The following FOXB1 variants were observed in gnomAD, a reference collection of about 807,000 sequenced individuals.
FOXB1 encodes the protein forkhead box B1.
In FOXB1, 6 loss-of-function variants were observed where a neutral mutation model predicts 18.6. The observed-to-expected ratio is 0.32, with a 90% CI of 0.18 to 0.64. The LOEUF (loss-of-function observed/expected upper bound fraction) is 0.64, where lower values mean the gene tolerates loss of function less well. Ranked by LOEUF, FOXB1 falls within the 30% of genes least tolerant of loss-of-function variation. The pLI, the probability that FOXB1 is intolerant of heterozygous loss-of-function variation, is 0.78. For missense variants in FOXB1, 419 were observed against 463.6 expected (o/e 0.90, Z 0.88); for synonymous variants, 213 against 216.0 (o/e 0.99, Z 0.12).
At position 60,005,227 on chromosome 15, in the gene FOXB1, G is replaced by T; in HGVS notation, c.264G>T (p.Ala88=). ...AGCCAGGCAAGGGCAGCTTCTGGGC[G>T]CTGCACCCAAGCTGCGGGGACATGT... ...PDQPGKGSFW[A]LHPSCGDMFE... is the part of the protein sequence containing the mutation. The change falls in exon 2 of 2, where the codon GCG becomes GCT. Residue 88 remains alanine, a synonymous_variant. Transcript: ENST00000396057. The surrounding 1 kb of genome is among the most constrained non-coding windows in gnomAD (Gnocchi z 9.8). 1.9e-6 allele frequency: 3 copies of T among 1,614,182 alleles called. No homozygotes were observed. The highest frequency in any genetic ancestry group is 1.1e-5 in the South Asian group (1 of 91,076).
Position 60,006,020 on chromosome 15 carries a change from C to G in FOXB1, c.*79C>G. On this transcript the variant is annotated 3_prime_UTR_variant, in exon 2 of 2. Transcript: ENST00000396057. Reference sequence around the variant, plus strand: ...TCCCTGGCTCCCAGTCCTGCCGGCCCCCACCTGGGACCGCCACCCTAACTT... The same window carrying G: ...TCCCTGGCTCCCAGTCCTGCCGGCCGCCACCTGGGACCGCCACCCTAACTT... 1 of 1,440,844 alleles carries G rather than the reference C, an allele frequency of 6.9e-7. No homozygotes were observed. The highest frequency in any genetic ancestry group is 2.5e-5 in the East Asian group (1 of 39,600). 89.3% of individuals were successfully genotyped at this position (1,440,844 alleles called of 1,614,324 possible).
At position 60,006,646 on chromosome 15, in the gene FOXB1, G is replaced by C. The variant is rs1342174952; in HGVS notation, c.*705G>C. On this transcript the variant is annotated 3_prime_UTR_variant, in exon 2 of 2. Coordinates refer to ENST00000396057, the MANE Select transcript of FOXB1 (RefSeq NM_012182.3). The stretch of plus-strand genomic sequence containing the variant: ...GAGGCTGCCAAGCTGAGAAAGCGAC[G>C]CTCGTCCTCACACAGCAAAACAAAA... 1 of 152,182 alleles carries C rather than the reference G, an allele frequency of 6.6e-6. No homozygotes were observed. The highest frequency in any genetic ancestry group is 1.5e-5 in the Non-Finnish European group (1 of 68,050). The allele number at this position is 152,182 out of a possible 1,614,324, so 9.4% of individuals were successfully genotyped here.
Position 60,005,296 on chromosome 15 carries a change from G to T in FOXB1, c.333G>T (p.Val111=). Residue 111 remains valine (V), a synonymous_variant, in exon 2 of 2, where the codon GTG becomes GTT. Transcript: ENST00000396057. This position sits in a 1 kb window ranked among gnomAD's most constrained non-coding sequence, Gnocchi z 9.8. ...TGCGGCGCCGCAAGCGCTTCAAGGT[G>T]CTTAAGTCCGACCACCTGGCGCCCA... ...SFLRRRKRFK[V]LKSDHLAPSK... 1 of 1,613,024 alleles carries T rather than the reference G, an allele frequency of 6.2e-7. No homozygotes were observed.
chr15:60,005,140 C>T lies in FOXB1; in HGVS notation c.177C>T (p.Asn59=). Residue 59 remains asparagine (N), a synonymous_variant, in exon 2 of 2, where the codon AAC becomes AAT. Coordinates refer to ENST00000396057, the MANE Select transcript of FOXB1 (RefSeq NM_012182.3). This position sits in a 1 kb window ranked among gnomAD's most constrained non-coding sequence, Gnocchi z 9.8. ...YYRENTQRWQ[N]SLRHNLSFND... is the part of the protein sequence containing the mutation. The stretch of plus-strand genomic sequence containing the variant: ...GGGAGAACACGCAGCGCTGGCAGAA[C>T]AGTCTGCGCCACAACCTCTCCTTCA... The T allele has an allele frequency of 6.2e-7, 1 of 1,614,226 alleles. No homozygotes were observed. The highest frequency in any genetic ancestry group is 1.3e-5 in the African/African-American group (1 of 75,054).
chr15:60,005,668 TG>T lies in FOXB1; in HGVS notation c.707del (p.Gly236AlafsTer10). On this transcript the variant is annotated frameshift_variant, in exon 2 of 2. Coordinates refer to ENST00000396057, the MANE Select transcript of FOXB1 (RefSeq NM_012182.3). LOFTEE classifies it high-confidence loss of function. This position sits in a 1 kb window ranked among gnomAD's most constrained non-coding sequence, Gnocchi z 9.8. ...CGGCCACCCCCATCTCCATGGCGAG[TG>T]GCGACTACAGCGCCTACGGCGTGCC... is the stretch of plus-strand genomic sequence containing the variant. Reference protein sequence around the residue: ...DSATPISMASGDYSAYGVPLK... With the variant: ...DSATPISMASXDYSAYGVPLK... The T allele has an allele frequency of 1.9e-6, 3 of 1,607,830 alleles. No homozygotes were observed. The highest frequency in any genetic ancestry group is 2.5e-6 in the Non-Finnish European group (3 of 1,179,086).
At chr15:60,004,827 T>G in intron 1 of FOXB1, 80 bp from the exon 2 acceptor site, 5 of 164,672 alleles carry the variant, frequency 3.0e-5, no homozygotes, top group South Asian at 8.6e-5. Context: ...ACCCCCGAAG[T>G]CTGTTACTCG....
At chr15:60,004,885 C>T (rs1242069930) in intron 1 of FOXB1, 22 bp from the exon 2 acceptor site, 2 of 1,469,968 alleles carry the variant, frequency 1.4e-6, no homozygotes, top group East Asian at 2.4e-5. Flanking sequence ...CTACCTTTCC[C>T]TATTACCCAC....
At chr15:60,004,882 TC>T in intron 1 of FOXB1, 24 bp from the exon 2 acceptor site, 1 of 1,367,114 alleles carries the variant, frequency 7.3e-7, no homozygotes, top group Non-Finnish European at 9.7e-7. Context: ...ATGCTACCTT[TC>T]CCTATTACCC....
At chr15:60,004,770 A>C in intron 1 of FOXB1, 127 bp downstream of exon 1, 44 of 568,034 alleles carry the variant, frequency 7.7e-5, no homozygotes, top group Non-Finnish European at 7.9e-5. Flanking sequence ...GTTGCTGGCG[A>C]AAGAGTCCGG....
At chr15:60,004,774 A>T in intron 1 of FOXB1, 131 bp downstream of exon 1, 8 of 515,860 alleles carry the variant, frequency 1.6e-5, no homozygotes, top group Non-Finnish European at 2.7e-5. Flanking sequence ...CTGGCGAAAG[A>T]GTCCGGGCGC....
chr15:60,005,800 C>T lies in FOXB1; in HGVS notation c.837C>T (p.Pro279=), dbSNP rs370613791. The change falls in exon 2 of 2, where the codon CCC becomes CCT. Residue 279 remains proline, a synonymous_variant. Coordinates refer to ENST00000396057, the MANE Select transcript of FOXB1 (RefSeq NM_012182.3). The surrounding 1 kb of genome is among the most constrained non-coding windows in gnomAD (Gnocchi z 9.8). ...AVPALPALPA[P]IPTLLSNSPP... ...CCGCGCTGCCTGCGCTGCCAGCGCC[C>T]ATCCCCACCTTGCTCTCGAACTCGC... 17 of 1,605,728 alleles carry T rather than the reference C, an allele frequency of 1.1e-5. No individual in the cohort carries two copies. In the African/African-American group the frequency reaches 1.3e-4, roughly 13 times the overall value.
In FOXB1 at chr15:60,005,500, A is replaced by T; in HGVS notation, c.537A>T (p.Glu179Asp). 6.2e-7 allele frequency: 1 copy of T among 1,611,788 alleles called. No individual in the cohort carries two copies. Among genetic ancestry groups the T allele is most frequent in the Non-Finnish European group, 8.5e-7 (1 of 1,179,558 alleles). Residue 179 changes from glutamate (E) to aspartate (D), a missense_variant, in exon 2 of 2, where the codon GAA becomes GAT. By Grantham distance (45) the Glu-to-Asp change is conservative (BLOSUM62 2). Coordinates refer to ENST00000396057, the MANE Select transcript of FOXB1 (RefSeq NM_012182.3). The surrounding 1 kb of genome is among the most constrained non-coding windows in gnomAD (Gnocchi z 9.8). ...PFAIENIIAR[E>D]YKMPGGLAFS... ...CCATCGAGAACATCATCGCGCGGGA[A>T]TACAAGATGCCTGGGGGGCTGGCCT...
intron 1 of FOXB1, 75 bp downstream of exon 1, chr15:60,004,718 C>T (rs930483473): frequency 1.6e-5 from 9 of 560,364 alleles, no homozygotes; most frequent in Non-Finnish European, 2.5e-5. Context: ...TATCCTCGCG[C>T]CGTTCGCCGG....
In FOXB1 at chr15:60,004,963, G is replaced by C; in HGVS notation, c.-1G>C. On this transcript the variant is annotated 5_prime_UTR_variant, in exon 2 of 2. Transcript: ENST00000396057. ...AGAGCAAGAAGAGGGCGAGGAAGAAGATGCCTCGGCCCGGCCGCAACACGT... is the reference window on the plus strand; with the variant it reads ...AGAGCAAGAAGAGGGCGAGGAAGAACATGCCTCGGCCCGGCCGCAACACGT... 6.2e-7 allele frequency: 1 copy of C among 1,608,964 alleles called. No individual in the cohort carries two copies. Among genetic ancestry groups the C allele is most frequent in the Non-Finnish European group, 8.5e-7 (1 of 1,177,016 alleles).
chr15:60,005,146 G>A lies in FOXB1; in HGVS notation c.183G>A (p.Leu61=). The change falls in exon 2 of 2, where the codon CTG becomes CTA. Residue 61 remains leucine, a synonymous_variant. Coordinates refer to ENST00000396057, the MANE Select transcript of FOXB1 (RefSeq NM_012182.3). The surrounding 1 kb of genome is among the most constrained non-coding windows in gnomAD (Gnocchi z 9.8). ...RENTQRWQNS[L]RHNLSFNDCF... is the part of the protein sequence containing the mutation. ...ACACGCAGCGCTGGCAGAACAGTCT[G>A]CGCCACAACCTCTCCTTCAACGACT... 1 of 1,614,204 alleles carries A rather than the reference G, an allele frequency of 6.2e-7. No individual in the cohort carries two copies. Among genetic ancestry groups the A allele is most frequent in the Non-Finnish European group, 8.5e-7 (1 of 1,180,036 alleles).
Position 60,005,875 on chromosome 15 carries a change from C to A in FOXB1, c.912C>A (p.Ser304Arg). The change falls in exon 2 of 2, where the codon AGC becomes AGA. Residue 304 changes from serine to arginine, a missense_variant. Physicochemically the swap from Ser to Arg is moderately radical, Grantham distance 110 (BLOSUM62 -1). Coordinates refer to ENST00000396057, the MANE Select transcript of FOXB1 (RefSeq NM_012182.3). The surrounding 1 kb of genome is among the most constrained non-coding windows in gnomAD (Gnocchi z 9.8). ...CGCAAACAGCCACCAGCCAAAGCAG[C>A]CCCGCCACCCCCAGCGAAACGCTCA... The part of the protein sequence containing the change: ...TSSQTATSQS[S>R]PATPSETLTS... 2 of 1,597,102 alleles carry A rather than the reference C, an allele frequency of 1.3e-6. No individual in the cohort carries two copies. Among genetic ancestry groups the A allele is most frequent in the Non-Finnish European group, 1.7e-6 (2 of 1,173,572 alleles).
Position 60,007,081 on chromosome 15 carries a change from A to G in FOXB1, c.*1140A>G, listed in dbSNP as rs1465952183. On this transcript the variant is annotated 3_prime_UTR_variant, in exon 2 of 2. Transcript: ENST00000396057. ...TTCTGTTTGCTACCAGAACTTTTCC[A>G]AGAAGCTAAAGGGCTGCAAAGAGAT... 2.6e-5 allele frequency: 4 copies of G among 152,178 alleles called. No individual in the cohort carries two copies. Among genetic ancestry groups the G allele is most frequent in the Non-Finnish European group, 5.9e-5 (4 of 68,018 alleles). The allele number at this position is 152,178 out of a possible 1,614,324, so 9.4% of individuals were successfully genotyped here.
chr15:60,004,932 G>T lies in FOXB1; in HGVS notation c.-32G>T, dbSNP rs376052791. The stretch of plus-strand genomic sequence containing the variant: ...ATCCGAGCAGTCCGCCGGCCCGCGC[G>T]GACCCAGAGCAAGAAGAGGGCGAGG... On this transcript the variant is annotated 5_prime_UTR_variant, in exon 2 of 2. Coordinates refer to ENST00000396057, the MANE Select transcript of FOXB1 (RefSeq NM_012182.3). The T allele has an allele frequency of 7.4e-5, 118 of 1,586,974 alleles. No individual in the cohort carries two copies. The African/African-American group carries it at 1.2e-3, about 17-fold the overall frequency.
chr15:60,005,237 A>G lies in FOXB1; in HGVS notation c.274A>G (p.Ser92Gly). ...GKGSFWALHP[S>G]CGDMFENGSF... ...GGGCAGCTTCTGGGCGCTGCACCCA[A>G]GCTGCGGGGACATGTTCGAGAACGG... Residue 92 changes from serine to glycine, a missense_variant, in exon 2 of 2, where the codon AGC (serine) becomes GGC (glycine). Transcript: ENST00000396057. This position sits in a 1 kb window ranked among gnomAD's most constrained non-coding sequence, Gnocchi z 9.8. 6.2e-7 allele frequency: 1 copy of G among 1,614,122 alleles called. No individual in the cohort carries two copies. Among genetic ancestry groups the G allele is most frequent in the Middle Eastern group, 1.6e-4 (1 of 6,062 alleles).
Sources: allele counts gnomAD v4.1 joint callset, GRCh38; gene constraint gnomAD v4.1.1; non-coding constraint Gnocchi (gnomAD v3.1); transcripts MANE v1.5; gene names NCBI Gene and HGNC (gene_info 2026-07-23, HGNC 2026-07-21).